CRYL1: variants seen among roughly 807,000 people sequenced by gnomAD.
The protein encoded by CRYL1 is lambda-crystallin homolog.
In CRYL1, 29 loss-of-function variants were observed where a neutral mutation model predicts 36.6. That is an observed-to-expected ratio of 0.79 (90% CI 0.59 to 1.08). CRYL1 has a LOEUF of 1.08. Among genes scored for constraint, CRYL1 ranks in the 50% least tolerant of loss-of-function variants. The probability of loss-of-function intolerance (pLI) is 0.00; values close to 1 mark genes in which losing one functional copy is unlikely to be tolerated. For missense variants in CRYL1, 411 were observed against 407.9 expected, an observed-to-expected ratio of 1.01 and a Z score of -0.06; for synonymous variants, 152 against 151.5, an observed-to-expected ratio of 1.00 and a Z score of -0.02.
At chr13:20,427,075 G>T in intron 5 of CRYL1, 1 of 985,468 alleles carries the variant, frequency 1.0e-6, no homozygotes, top group Non-Finnish European at 1.2e-6. Flanking sequence ...GAATTTACAG[G>T]CAACAAACTT....
At position 20,404,687 on chromosome 13, in the gene CRYL1, G is replaced by A; in HGVS notation, c.794C>T (p.Thr265Ile). Residue 265 changes from threonine to isoleucine, a missense_variant, in exon 7 of 8, where the codon ACT becomes ATT. Coordinates refer to ENST00000298248, the MANE Select transcript of CRYL1 (RefSeq NM_015974.3). ...GGAAAACTCTGGAATGGGTCCAAAA[G>A]TCTGTAGGACATGTTTTATGCCTTC... ...YSEGIKHVLQ[T>I]FGPIPEFSRA... 6.2e-7 allele frequency: 1 copy of A among 1,614,090 alleles called. No individual in the cohort carries two copies. Among genetic ancestry groups the A allele is most frequent in the Non-Finnish European group, 8.5e-7 (1 of 1,179,916 alleles).
intron 5 of CRYL1, among the ~76,000 whole-genome samples, chr13:20,417,117 A>T (rs1463624528): frequency 2.0e-5 from 3 of 152,214 alleles, no homozygotes; most frequent in African/African-American, 7.2e-5. Context: ...AAGCTCCACA[A>T]CTAGGATATC....
intron 6 of CRYL1, among the ~76,000 whole-genome samples, chr13:20,407,003 T>C (rs1338778044): frequency 1.3e-5 from 2 of 151,396 alleles, no homozygotes; most frequent in African/African-American, 2.4e-5. Context: ...TCCCAGGAGC[T>C]TTCTAGAACT....
At chr13:20,506,822 C>A (rs2033802354) in intron 2 of CRYL1, among the ~76,000 whole-genome samples, 1 of 152,198 alleles carries the variant, frequency 6.6e-6, no homozygotes, top group Admixed American at 6.5e-5. Context: ...TGGCCCATCT[C>A]CTATTTTTAT....
chr13:20,429,713 G>A (rs540823635), intron 5 of CRYL1, among the ~76,000 whole-genome samples: 3 of 152,126 alleles, frequency 2.0e-5, no homozygotes, highest in African/African-American at 7.2e-5. Flanking sequence ...TGGATGCTCA[G>A]GTGTGCATGT....
intron 2 of CRYL1, among the ~76,000 whole-genome samples, chr13:20,511,854 A>C (rs2033922670): frequency 1.3e-5 from 2 of 152,186 alleles, no homozygotes; most frequent in Admixed American, 1.3e-4. Context: ...TCCCTAAAAC[A>C]GCCCTCCGCA....
chr13:20,485,263 C>T (rs1168176973), intron 3 of CRYL1, among the ~76,000 whole-genome samples: 1 of 152,196 alleles, frequency 6.6e-6, no homozygotes, highest in Admixed American at 6.5e-5. Context: ...AGGCAGTCTG[C>T]CCACATTGGC....
intron 2 of CRYL1, among the ~76,000 whole-genome samples, chr13:20,496,655 A>T (rs1237090048): frequency 7.0e-6 from 1 of 142,424 alleles, no homozygotes; most frequent in African/African-American, 2.6e-5. Flanking sequence ...TTACACCCAT[A>T]ATCCCAACAC....
intron 5 of CRYL1, among the ~76,000 whole-genome samples, chr13:20,417,003 T>A (rs552072354): frequency 6.6e-6 from 1 of 152,360 alleles, no homozygotes; most frequent in Non-Finnish European, 1.5e-5. Flanking sequence ...CCTCACTGCT[T>A]CTTTCTGCCC....
chr13:20,463,407 GA>G lies in CRYL1; in HGVS notation c.277-23654del, dbSNP rs10714209. Among the ~76,000 whole-genome samples, 146,011 of 152,090 alleles carry G rather than the reference GA, an allele frequency of 0.96. 70,355 individuals are homozygous for G. The highest frequency in any genetic ancestry group is 1 in the East Asian group (5,163 of 5,164). On this transcript the variant is annotated intron_variant, in intron 3 of 7. Transcript: ENST00000298248. ...ACACATAGTGATTGATTTTTCTCCA[GA>G]AAAAAATCTAAGACTCCTTCTCCTC...
At chr13:20,504,392 C>T (rs2137496340) in intron 2 of CRYL1, among the ~76,000 whole-genome samples, 1 of 150,452 alleles carries the variant, frequency 6.6e-6, no homozygotes, top group South Asian at 2.1e-4. Flanking sequence ...CAATCTCTGC[C>T]TCCCACGTTC....
chr13:20,406,721 CT>C (rs1486824963), intron 6 of CRYL1, among the ~76,000 whole-genome samples: 2 of 150,752 alleles, frequency 1.3e-5, no homozygotes, highest in Non-Finnish European at 3.0e-5. Context: ...TTATTCCTTC[CT>C]TTTGGGGTGG....
At chr13:20,434,042 G>A (rs189603628) in intron 4 of CRYL1, among the ~76,000 whole-genome samples, 1 of 152,250 alleles carries the variant, frequency 6.6e-6, no homozygotes, top group East Asian at 1.9e-4. Flanking sequence ...CTTCCCTTGG[G>A]CACACCCCAG....
At chr13:20,485,086 C>T (rs1050750832) in intron 3 of CRYL1, among the ~76,000 whole-genome samples, 1 of 152,072 alleles carries the variant, frequency 6.6e-6, no homozygotes, top group Admixed American at 6.5e-5. Flanking sequence ...GGCTCCATCT[C>T]GGCTCACTGC....
At chr13:20,459,031 C>T (rs887584219) in intron 3 of CRYL1, among the ~76,000 whole-genome samples, 3 of 152,068 alleles carry the variant, frequency 2.0e-5, no homozygotes, top group Non-Finnish European at 4.4e-5. Context: ...GTCAGGAGAT[C>T]AAGACCATCC....
intron 3 of CRYL1, among the ~76,000 whole-genome samples, chr13:20,479,041 T>A (rs531965424): frequency 6.6e-6 from 1 of 152,138 alleles, no homozygotes; most frequent in South Asian, 2.1e-4. Context: ...AAGGCCTCCC[T>A]TTACACCTGT....
At chr13:20,506,302 C>T (rs1172929626) in intron 2 of CRYL1, among the ~76,000 whole-genome samples, 1 of 152,152 alleles carries the variant, frequency 6.6e-6, no homozygotes, top group Non-Finnish European at 1.5e-5. Context: ...GTACCTGCTA[C>T]TGAGGAAAGA....
chr13:20,499,763 C>A (rs2033673100), intron 2 of CRYL1, among the ~76,000 whole-genome samples: 1 of 152,136 alleles, frequency 6.6e-6, no homozygotes, highest in Non-Finnish European at 1.5e-5. Flanking sequence ...ATATTAGATT[C>A]TTATAATTCT....
At chr13:20,441,830 G>T (rs892424641) in intron 3 of CRYL1, among the ~76,000 whole-genome samples, 2 of 152,098 alleles carry the variant, frequency 1.3e-5, no homozygotes, top group Non-Finnish European at 2.9e-5. Flanking sequence ...TAAGGGTAGG[G>T]AGTCCATTTT....
Sources: allele counts gnomAD v4.1 joint callset (sites outside exome capture counted in the v4.1 genomes callset), GRCh38; gene constraint gnomAD v4.1.1; transcripts MANE v1.5; gene names NCBI Gene and HGNC (gene_info 2026-07-23, HGNC 2026-07-21).